The following CD72 variants were observed in gnomAD, a reference collection of about 807,000 sequenced individuals.
CD72 encodes CD72 molecule.
CD72 carries 28 observed loss-of-function variants against 50.7 expected under a neutral mutation model. The observed-to-expected ratio is 0.55, with a 90% CI of 0.41 to 0.76. The LOEUF (loss-of-function observed/expected upper bound fraction) is 0.76, where lower values mean the gene tolerates loss of function less well. Among genes scored for constraint, CD72 ranks in the 30% least tolerant of loss-of-function variants. CD72 has a pLI of 0.00. For synonymous variants in CD72, 176 were observed against 171.2 expected (o/e 1.03, Z -0.22); for missense variants, 403 against 420.6 (o/e 0.96, Z 0.37).
intron 1 of CD72, among the ~76,000 whole-genome samples, chr9:35,628,959 C>G (rs1457901592): frequency 6.6e-6 from 1 of 152,198 alleles, no homozygotes; most frequent in East Asian, 1.9e-4. Flanking sequence ...GCTGCAGCCT[C>G]AACCTGCTGG....
rs1459230200 is a variant in CD72 at position 35,642,137 on chromosome 9, T to C, written n.408+4266A>G. ...TTTTCTACAAAGGAACTTCCATCAG[T>C]ATACAAGTTGAGGTCGGGATCAGTC... is the stretch of plus-strand genomic sequence containing the variant. On this transcript the variant is annotated intron_variant and non_coding_transcript_variant, in intron 1 of 3. Transcript: ENST00000465754. Among the ~76,000 whole-genome samples, 3 of 152,182 alleles carry C rather than the reference T, an allele frequency of 2.0e-5. No individual in the cohort carries two copies. In the East Asian group the frequency reaches 5.8e-4, roughly 29 times the overall value.
upstream of CD72, among the ~76,000 whole-genome samples, chr9:35,622,937 T>G (rs887650463): frequency 1.8e-4 from 27 of 152,154 alleles, 2 homozygotes; most frequent in South Asian, 2.7e-3. Flanking sequence ...CGAGACTCCA[T>G]CTCTACAAAA....
upstream of CD72, among the ~76,000 whole-genome samples, chr9:35,620,652 G>A (rs1205545576): frequency 8.5e-5 from 13 of 152,148 alleles, no homozygotes; most frequent in Admixed American, 8.5e-4. Context: ...CAAACATGGT[G>A]AAATCCCATC....
intron 1 of CD72, among the ~76,000 whole-genome samples, chr9:35,628,827 C>T (rs1165854383): frequency 6.6e-6 from 1 of 152,200 alleles, no homozygotes; most frequent in Non-Finnish European, 1.5e-5. Flanking sequence ...GAGTTCCCCA[C>T]TGGTTTTAAG....
At chr9:35,627,605 C>T (rs1823207944) in intron 1 of CD72, among the ~76,000 whole-genome samples, 1 of 152,138 alleles carries the variant, frequency 6.6e-6, no homozygotes, top group African/African-American at 2.4e-5. Flanking sequence ...TTAACCACCA[C>T]AGCCTGGAAA....
At chr9:35,642,039 T>C (rs1309303930) in intron 1 of CD72, among the ~76,000 whole-genome samples, 2 of 152,204 alleles carry the variant, frequency 1.3e-5, no homozygotes, top group Non-Finnish European at 2.9e-5. Context: ...GAGCACTAGT[T>C]CCTGGAGTGA....
chr9:35,616,376 T>G (rs1203502131), intron 4 of CD72, 98 bp from the exon 5 acceptor site: 3 of 990,226 alleles, frequency 3.0e-6, no homozygotes, highest in Non-Finnish European at 4.5e-6. Flanking sequence ...TGCAACTTTT[T>G]GCATCACAGG....
intron 2 of CD72, among the ~76,000 whole-genome samples, chr9:35,617,738 G>A (rs933023948): frequency 1.8e-4 from 28 of 152,008 alleles, no homozygotes; most frequent in African/African-American, 6.8e-4. Context: ...CCTAAGAACC[G>A]CCCTCCTCCT....
chr9:35,643,759 C>T (rs1270249734), intron 1 of CD72, among the ~76,000 whole-genome samples: 3 of 152,104 alleles, frequency 2.0e-5, no homozygotes, highest in African/African-American at 4.8e-5. Context: ...AGGCAGATCA[C>T]CTGAGGTCAG....
intron 5 of CD72, among the ~76,000 whole-genome samples, chr9:35,613,364 C>T (rs549719036): frequency 2.1e-4 from 32 of 152,206 alleles, no homozygotes; most frequent in African/African-American, 7.5e-4. Context: ...CACTGGCCCC[C>T]TCCGTCCCTC....
Position 35,611,828 on chromosome 9 carries a change from A to G in CD72, c.926T>C (p.Leu309Ser). 1 of 1,607,736 alleles carries G rather than the reference A, an allele frequency of 6.2e-7. No individual in the cohort carries two copies. The highest frequency in any genetic ancestry group is 8.5e-7 in the Non-Finnish European group (1 of 1,174,148). ...CCTAGTGCGTTGTGTATCATCAGTC[A>G]ACTTCCAATCCTTGTTAGAGCTGAG... ...TGLSSNKDWK[L>S]TDDTQRTRTY... Residue 309 changes from leucine (L) to serine (S), a missense_variant, in exon 7 of 9, where the codon TTG becomes TCG. Leu to Ser is a moderately radical substitution (Grantham distance 145, BLOSUM62 -2). Coordinates refer to ENST00000259633, the MANE Select transcript of CD72 (RefSeq NM_001782.3).
intron 1 of CD72, among the ~76,000 whole-genome samples, chr9:35,636,776 A>G (rs1413971873): frequency 6.6e-6 from 1 of 152,184 alleles, no homozygotes; most frequent in East Asian, 1.9e-4. Context: ...GAACTAGAGG[A>G]GCAGGATCCT....
At position 35,616,220 on chromosome 9, in the gene CD72, G is replaced by A; in HGVS notation, c.411C>T (p.Ser137=). The A allele has an allele frequency of 2.5e-6, 4 of 1,614,096 alleles. No individual in the cohort carries two copies. The highest frequency in any genetic ancestry group is 3.4e-6 in the Non-Finnish European group (4 of 1,179,992). ...QTNRVLEVTN[S]SLRQQLRLKI... is the part of the protein sequence containing the mutation. The stretch of plus-strand genomic sequence containing the variant: ...TGAGGCGGAGCTGCTGCCTCAGGCT[G>A]CTGTTAGTGACTTCCAGAACCCTGT... Residue 137 remains serine (S), a synonymous_variant, in exon 5 of 9, where the codon AGC becomes AGT. Transcript: ENST00000259633.
chr9:35,641,188 G>A (rs1015183167), intron 1 of CD72, among the ~76,000 whole-genome samples: 36 of 152,266 alleles, frequency 2.4e-4, no homozygotes, highest in African/African-American at 7.9e-4. Flanking sequence ...ATTTCCTCGG[G>A]GGGGGTGCCT....
chr9:35,643,911 G>A (rs1280826890), intron 1 of CD72, among the ~76,000 whole-genome samples: 1 of 152,038 alleles, frequency 6.6e-6, no homozygotes, highest in Non-Finnish European at 1.5e-5. Flanking sequence ...GCTTAAATCT[G>A]GAGGTGGAGG....
intron 1 of CD72, among the ~76,000 whole-genome samples, chr9:35,630,719 G>T (rs957769378): frequency 1.3e-5 from 2 of 152,088 alleles, no homozygotes; most frequent in African/African-American, 2.4e-5. Context: ...GTAATCTGGG[G>T]CTAAATCACT....
At chr9:35,611,744 C>T (rs1822988071) in intron 7 of CD72, 60 bp downstream of exon 7, 3 of 900,320 alleles carry the variant, frequency 3.3e-6, no homozygotes, top group African/African-American at 1.6e-5. Flanking sequence ...AATCTGATTA[C>T]CATGTCTTTA....
chr9:35,635,443 T>C (rs1587908624), intron 1 of CD72, among the ~76,000 whole-genome samples: 1 of 152,224 alleles, frequency 6.6e-6, no homozygotes, highest in East Asian at 1.9e-4. Context: ...AGACCTATTT[T>C]GGGGTTTCAG....
Position 35,644,901 on chromosome 9 carries a change from C to CAA in CD72, n.408+1500_408+1501dup, listed in dbSNP as rs527855881. ...TAGAAAACATAACTTTGACTGAAGC[C>CAA]AAAAAAAAAAAAAAAAAAGGCCGGG... On this transcript the variant is annotated intron_variant and non_coding_transcript_variant, in intron 1 of 3. Coordinates refer to the CD72 transcript ENST00000465754. Among the ~76,000 whole-genome samples, 143 of 106,980 alleles carry CAA rather than the reference C, an allele frequency of 1.3e-3. 1 individual carries two copies. Among genetic ancestry groups the CAA allele is most frequent in the African/African-American group, 4.2e-3 (119 of 28,094 alleles). The allele number at this position is 106,980 out of a possible 152,430, so 70.2% of individuals were successfully genotyped here.
Sources: gnomAD v4.1 joint callset for allele counts (sites outside exome capture counted in the v4.1 genomes callset) on GRCh38, gnomAD v4.1.1 for gene constraint, MANE v1.5 for transcripts, NCBI Gene and HGNC (gene_info 2026-07-23, HGNC 2026-07-21) for gene names.